Variants in RGR observed in about 807,000 individuals in gnomAD.
The protein encoded by RGR is RPE-retinal G protein-coupled receptor.
RGR carries 30 observed loss-of-function variants against 28.6 expected under a neutral mutation model. The ratio of observed to expected loss-of-function variants is 1.05; its 90% confidence interval spans 0.78 to 1.42. The LOEUF is 1.42. RGR is among the 40% of genes most tolerant of loss of function. The pLI, the probability that RGR is intolerant of heterozygous loss-of-function variation, is 0.00. For missense variants in RGR, 404 were observed against 375.6 expected, an observed-to-expected ratio of 1.08 and a Z score of -0.62; for synonymous variants, 180 against 156.4, an observed-to-expected ratio of 1.15 and a Z score of -1.13.
intron 2 of RGR, chr10:84,248,224 TG>T: frequency 8.1e-7 from 1 of 1,227,748 alleles, no homozygotes; most frequent in Non-Finnish European, 1.0e-6. Flanking sequence ...TCTGGGCTCC[TG>T]GAGTGGAGGG....
chr10:84,256,189 G>A (rs1219288906), intron 5 of RGR, among the ~76,000 whole-genome samples: 3 of 148,064 alleles, frequency 2.0e-5, no homozygotes, highest in Non-Finnish European at 4.5e-5. Flanking sequence ...CTGCCTCAGC[G>A]TCCCTAGTAG....
intron 5 of RGR, among the ~76,000 whole-genome samples, chr10:84,256,410 G>A (rs4933317): frequency 0.19 from 29,208 of 151,996 alleles, 2,896 homozygotes; most frequent in Admixed American, 0.23. Flanking sequence ...TGAGATGGGG[G>A]TTAACTAAGC....
intron 3 of RGR, chr10:84,250,494 T>A (rs1842802392): frequency 1.4e-6 from 1 of 710,122 alleles, no homozygotes; most frequent in Non-Finnish European, 2.6e-6. Context: ...CCCCTGCCCC[T>A]AATGCTCCCT....
At position 84,259,094 on chromosome 10, in the gene RGR, T is replaced by G. The variant is rs1324755425; in HGVS notation, c.*455T>G. ...ACACTCCATGTCCACGTGTACACATTATTTAGCTCCCACTTACAAGTGAGA... is the reference window on the plus strand; with the variant it reads ...ACACTCCATGTCCACGTGTACACATGATTTAGCTCCCACTTACAAGTGAGA... On this transcript the variant is annotated 3_prime_UTR_variant, in exon 7 of 7. Transcript: ENST00000652092. The G allele has an allele frequency of 1.1e-5, 2 of 185,630 alleles. No homozygotes were observed. The highest frequency in any genetic ancestry group is 4.7e-5 in the African/African-American group (2 of 42,702). The allele number at this position is 185,630 out of a possible 1,614,324, so 11.5% of individuals were successfully genotyped here. A position where few individuals can be genotyped will look rare whatever the true frequency, so the allele number is the denominator to read the frequency against.
intron 5 of RGR, among the ~76,000 whole-genome samples, chr10:84,256,105 C>G (rs1292220597): frequency 2.6e-5 from 2 of 75,512 alleles, no homozygotes; most frequent in Admixed American, 2.1e-4. Context: ...AGGTCTTACT[C>G]TGTTGCCCAG....
At chr10:84,249,307 T>A (rs899703251) in intron 3 of RGR, among the ~76,000 whole-genome samples, 1 of 152,188 alleles carries the variant, frequency 6.6e-6, no homozygotes, top group African/African-American at 2.4e-5. Context: ...TCTCCTCCTC[T>A]GCGAAATGAT....
At chr10:84,249,729 A>ATG (rs1408080249) in intron 3 of RGR, among the ~76,000 whole-genome samples, 1 of 152,238 alleles carries the variant, frequency 6.6e-6, no homozygotes, top group East Asian at 1.9e-4. Context: ...GGCTGTGTGT[A>ATG]TGTGTGTGTA....
In RGR at chr10:84,248,939, C is replaced by G. The variant is rs747435661; in HGVS notation, c.254C>G (p.Ser85Trp). 2.1e-5 allele frequency: 34 copies of G among 1,614,154 alleles called. No homozygotes were observed. The South Asian group carries it at 3.5e-4, about 17-fold the overall frequency. ...SSLLRRWPYG[S>W]DGCQAHGFQG... is the part of the protein sequence containing the mutation. ...TCCCACAGGCGCTGGCCCTACGGCT[C>G]GGACGGCTGCCAGGCTCACGGCTTC... Residue 85 changes from serine (S) to tryptophan (W), a missense_variant, in exon 3 of 7, where the codon TCG becomes TGG. Ser to Trp is a radical substitution (Grantham distance 177). Coordinates refer to ENST00000652092, the MANE Select transcript of RGR (RefSeq NM_001012720.2).
At position 84,245,164 on chromosome 10, in the gene RGR, T is replaced by C; in HGVS notation, c.74T>C (p.Val25Ala). Residue 25 changes from valine to alanine, a missense_variant, in exon 1 of 7, where the codon GTG (valine) becomes GCG (alanine). Transcript: ENST00000652092. ...CTGGCTGTGGGGATGGTGCTACTGG[T>C]GGAAGGTGAGCCAGGCAGAACCTGG... ...EVLAVGMVLL[V>A]EALSGLSLNT... 2 of 1,612,068 alleles carry C rather than the reference T, an allele frequency of 1.2e-6. No homozygotes were observed. Among genetic ancestry groups the C allele is most frequent in the Non-Finnish European group, 1.7e-6 (2 of 1,179,304 alleles).
intron 3 of RGR, among the ~76,000 whole-genome samples, chr10:84,251,344 T>C (rs1842816053): frequency 6.6e-6 from 1 of 152,204 alleles, no homozygotes; most frequent in Non-Finnish European, 1.5e-5. Context: ...GGTGTCTTAG[T>C]CTGCCCAGGC....
At chr10:84,254,696 G>A (rs1842862106) in intron 5 of RGR, among the ~76,000 whole-genome samples, 1 of 152,104 alleles carries the variant, frequency 6.6e-6, no homozygotes, top group African/African-American at 2.4e-5. Context: ...CTCTTCCCAA[G>A]GCTGCCTAAT....
chr10:84,247,490 C>A, intron 1 of RGR, 101 bp from the exon 2 acceptor site: 2 of 1,340,598 alleles, frequency 1.5e-6, no homozygotes, highest in African/African-American at 1.4e-5. Flanking sequence ...TCTTCCTTGT[C>A]TGTCCAGGAG....
rs1342133425 is a variant in RGR, at chr10:84,257,933, G to A, written c.671G>A (p.Trp224Ter). 1 of 1,614,168 alleles carries A rather than the reference G, an allele frequency of 6.2e-7. No homozygotes were observed. ...TLPARTLLLGWGPYAILYLYA... is the reference protein window; with the variant it reads ...TLPARTLLLG ...CCAGCAAGGACGCTGCTGCTCGGCT[G>A]GGGCCCCTATGCCATCCTGTATCTA... is the stretch of plus-strand genomic sequence containing the variant. Residue 224 changes from tryptophan (W) to a stop codon, truncating the protein, a stop_gained, in exon 6 of 7, where the codon TGG (tryptophan) becomes TAG (stop). Transcript: ENST00000652092. LOFTEE classifies it high-confidence loss of function.
Position 84,257,930 on chromosome 10 carries a change from G to T in RGR, c.668G>T (p.Gly223Val), listed in dbSNP as rs1296499632. ...TTLPARTLLL[G>V]WGPYAILYLY... ...CTGCCAGCAAGGACGCTGCTGCTCG[G>T]CTGGGGCCCCTATGCCATCCTGTAT... Residue 223 changes from glycine (G) to valine (V), a missense_variant, in exon 6 of 7, where the codon GGC (glycine) becomes GTC (valine). Coordinates refer to ENST00000652092, the MANE Select transcript of RGR (RefSeq NM_001012720.2). The T allele has an allele frequency of 6.2e-7, 1 of 1,613,954 alleles. No homozygotes were observed. Among genetic ancestry groups the T allele is most frequent in the East Asian group, 2.2e-5 (1 of 44,870 alleles).
chr10:84,258,003 G>C lies in RGR; in HGVS notation c.741G>C (p.Gln247His), dbSNP rs1842909346. Residue 247 changes from glutamine (Q) to histidine (H), a missense_variant, in exon 6 of 7, where the codon CAG becomes CAC. Coordinates refer to ENST00000652092, the MANE Select transcript of RGR (RefSeq NM_001012720.2). ...ADVTSISPKL[Q>H]MVPALIAKMV... Reference sequence around the variant, plus strand: ...TGACTTCCATCTCCCCCAAACTGCAGATGGTACAGATACTTCTAGTACCTA... The same window carrying C: ...TGACTTCCATCTCCCCCAAACTGCACATGGTACAGATACTTCTAGTACCTA... 1.2e-6 allele frequency: 2 copies of C among 1,613,018 alleles called. No individual in the cohort carries two copies. Among genetic ancestry groups the C allele is most frequent in the African/African-American group, 2.7e-5 (2 of 75,018 alleles).
intron 1 of RGR, among the ~76,000 whole-genome samples, chr10:84,245,641 T>C (rs1842738319): frequency 6.6e-6 from 1 of 152,180 alleles, no homozygotes; most frequent in Non-Finnish European, 1.5e-5. Flanking sequence ...ACATTCCGAA[T>C]GGGTGGTTGT....
chr10:84,246,808 A>T (rs1392661482), intron 1 of RGR, among the ~76,000 whole-genome samples: 1 of 152,250 alleles, frequency 6.6e-6, no homozygotes, highest in African/African-American at 2.4e-5. Flanking sequence ...CCAGCAGTGC[A>T]TAAGCATTCC....
chr10:84,256,803 T>G (rs1489900462), intron 5 of RGR, among the ~76,000 whole-genome samples: 1 of 152,136 alleles, frequency 6.6e-6, no homozygotes, highest in Non-Finnish European at 1.5e-5. Context: ...CTCCTCATTT[T>G]TCTGCGTTGA....
At chr10:84,253,982 C>T (rs553630758) in intron 4 of RGR, among the ~76,000 whole-genome samples, 13 of 152,222 alleles carry the variant, frequency 8.5e-5, no homozygotes, top group Non-Finnish European at 1.5e-4. Context: ...CTTTTAAAAC[C>T]TTTGGGCCTA....
Sources: gnomAD v4.1 joint callset for allele counts (sites outside exome capture counted in the v4.1 genomes callset) on GRCh38, gnomAD v4.1.1 for gene constraint, MANE v1.5 for transcripts, NCBI Gene and HGNC (gene_info 2026-07-23, HGNC 2026-07-21) for gene names.